Variants in ADAMTSL3 observed in about 807,000 individuals in gnomAD.
ADAMTSL3 encodes the protein ADAMTS-like protein 3.
In ADAMTSL3, 128 loss-of-function variants were observed where a neutral mutation model predicts 201.7. The observed-to-expected ratio is 0.63, with a 90% CI of 0.55 to 0.73. ADAMTSL3 has a LOEUF of 0.73. Ranked by LOEUF, ADAMTSL3 falls within the 30% of genes least tolerant of loss-of-function variation. The probability of loss-of-function intolerance (pLI) is 0.00; values close to 1 mark genes in which losing one functional copy is unlikely to be tolerated. For synonymous variants in ADAMTSL3, 738 were observed against 748.4 expected (o/e 0.99, Z 0.23); for missense variants, 1,990 against 2,119.6 (o/e 0.94, Z 1.20).
chr15:83,820,115 C>T (rs986062896), intron 6 of ADAMTSL3, 68 bp downstream of exon 6: 5 of 1,352,304 alleles, frequency 3.7e-6, no homozygotes, highest in Non-Finnish European at 5.3e-6. Context: ...TAAACAGAAC[C>T]CTTTTCTTCT....
chr15:83,703,055 C>T (rs186011004), intron 2 of ADAMTSL3, among the ~76,000 whole-genome samples: 2 of 152,284 alleles, frequency 1.3e-5, no homozygotes, highest in Admixed American at 1.3e-4. Context: ...GGACATGAGA[C>T]CTGGAGTGAA....
chr15:83,767,488 T>G lies in ADAMTSL3; in HGVS notation c.190-6035T>G, dbSNP rs532281540. 5.8e-4 allele frequency among the ~76,000 whole-genome samples: 88 copies of G among 152,286 alleles called. 3 individuals carry two copies. The South Asian group carries it at 0.017, about 30-fold the overall frequency. The stretch of plus-strand genomic sequence containing the variant: ...AAAGAGATGTTTGAACAGGGGGAAT[T>G]GGGAGCAGCTATACTCAACTGACAA... On this transcript the variant is annotated intron_variant, in intron 3 of 29. Coordinates refer to ENST00000286744, the MANE Select transcript of ADAMTSL3 (RefSeq NM_207517.3).
chr15:83,842,827 G>A (rs1355436093), intron 7 of ADAMTSL3, among the ~76,000 whole-genome samples: 1 of 152,202 alleles, frequency 6.6e-6, no homozygotes, highest in East Asian at 1.9e-4. Flanking sequence ...ACAATAGCCA[G>A]ATCCCGGTGT....
At chr15:83,773,352 G>A (rs888496841) in intron 3 of ADAMTSL3, among the ~76,000 whole-genome samples, 171 bp from the exon 4 acceptor site, 1 of 151,842 alleles carries the variant, frequency 6.6e-6, no homozygotes, top group African/African-American at 2.4e-5. Flanking sequence ...AGGTTGCAGC[G>A]AGCCGAGATT....
chr15:83,986,703 C>T (rs1289484304), intron 21 of ADAMTSL3, among the ~76,000 whole-genome samples: 5 of 152,074 alleles, frequency 3.3e-5, no homozygotes, highest in African/African-American at 1.2e-4. Context: ...AATTATGTTC[C>T]TGAAAGCCTC....
At chr15:83,758,822 A>G (rs1457055600) in intron 3 of ADAMTSL3, among the ~76,000 whole-genome samples, 1 of 152,142 alleles carries the variant, frequency 6.6e-6, no homozygotes, top group East Asian at 1.9e-4. Flanking sequence ...CTTGTCAGAT[A>G]TATTATTTTC....
intron 6 of ADAMTSL3, among the ~76,000 whole-genome samples, chr15:83,837,500 G>C (rs1277187645): frequency 6.6e-6 from 1 of 152,090 alleles, no homozygotes; most frequent in Non-Finnish European, 1.5e-5. Context: ...AAATGCCTGG[G>C]CTGGGCAGTG....
At chr15:83,805,556 CAAAA>C (rs779366103) in intron 5 of ADAMTSL3, among the ~76,000 whole-genome samples, 19 of 124,188 alleles carry the variant, frequency 1.5e-4, no homozygotes, top group African/African-American at 5.6e-4. Flanking sequence ...GACTCTGTCT[CAAAA>C]AAAAAAAAAT....
At chr15:83,675,360 C>T (rs1356064184) in intron 2 of ADAMTSL3, among the ~76,000 whole-genome samples, 3 of 151,772 alleles carry the variant, frequency 2.0e-5, no homozygotes, top group East Asian at 1.9e-4. Context: ...TGCTCTTTTC[C>T]GCATCAGTTT....
intron 2 of ADAMTSL3, among the ~76,000 whole-genome samples, chr15:83,659,975 G>T (rs2061140212): frequency 6.6e-6 from 1 of 152,184 alleles, no homozygotes; most frequent in African/African-American, 2.4e-5. Context: ...CTGACCTTCA[G>T]AACTGTAAAA....
chr15:83,793,153 A>C (rs972789059), intron 4 of ADAMTSL3, among the ~76,000 whole-genome samples: 27 of 152,176 alleles, frequency 1.8e-4, no homozygotes, highest in African/African-American at 6.5e-4. Flanking sequence ...AGAAAAAGAG[A>C]GTAAAAAGGC....
chr15:83,852,473 T>C (rs1217907116), intron 7 of ADAMTSL3, among the ~76,000 whole-genome samples: 2 of 152,232 alleles, frequency 1.3e-5, no homozygotes, highest in African/African-American at 2.4e-5. Context: ...ACCAGACTCA[T>C]ATCAATGAGC....
At chr15:83,753,953 AT>A (rs1303171020) in intron 3 of ADAMTSL3, among the ~76,000 whole-genome samples, 75 of 152,324 alleles carry the variant, frequency 4.9e-4, no homozygotes, top group African/African-American at 1.7e-3. Flanking sequence ...GGTTGTCATA[AT>A]GATTTAGAAA....
At chr15:83,830,894 A>C (rs762792240) in intron 6 of ADAMTSL3, among the ~76,000 whole-genome samples, 10 of 152,154 alleles carry the variant, frequency 6.6e-5, no homozygotes, top group Non-Finnish European at 1.5e-4. Flanking sequence ...AGGGTGGGTG[A>C]CTTTAAAACT....
At position 83,819,841 on chromosome 15, in the gene ADAMTSL3, G is replaced by A. The variant is rs2063831736; in HGVS notation, c.394G>A (p.Ala132Thr). The change falls in exon 6 of 30, where the codon GCC (alanine) becomes ACC (threonine). Residue 132 changes from alanine (A) to threonine (T), a missense_variant. Ala to Thr is a moderately conservative substitution (Grantham distance 58, BLOSUM62 0). Transcript: ENST00000286744. ...CCCTCCAGATGCAGAAGATTTCAGA[G>A]CCCAGCAGTGCTCAGCCTACAATGA... ...DCPPDAEDFR[A>T]QQCSAYNDVQ... The A allele has an allele frequency of 6.2e-7, 1 of 1,613,860 alleles. No homozygotes were observed. The highest frequency in any genetic ancestry group is 1.3e-5 in the African/African-American group (1 of 74,892).
At chr15:83,715,811 G>C (rs1484054617) in intron 3 of ADAMTSL3, among the ~76,000 whole-genome samples, 1 of 152,150 alleles carries the variant, frequency 6.6e-6, no homozygotes, top group Non-Finnish European at 1.5e-5. Flanking sequence ...TGTGTGCCCT[G>C]TGCTCTGGCC....
chr15:83,824,398 C>T (rs2063972738), intron 6 of ADAMTSL3, among the ~76,000 whole-genome samples: 2 of 152,100 alleles, frequency 1.3e-5, no homozygotes, highest in Admixed American at 1.3e-4. Context: ...CCCCTGCTTC[C>T]TTAAACGCAC....
intron 23 of ADAMTSL3, among the ~76,000 whole-genome samples, chr15:84,013,193 A>G (rs1053788410): frequency 6.6e-6 from 1 of 152,202 alleles, no homozygotes; most frequent in African/African-American, 2.4e-5. Context: ...GATGTAATGG[A>G]CAGAACTGGA....
intron 4 of ADAMTSL3, 77 bp downstream of exon 4, chr15:83,773,727 T>G: frequency 6.6e-7 from 1 of 1,504,474 alleles, no homozygotes; most frequent in Middle Eastern, 1.8e-4. Context: ...GAGATAACTT[T>G]ATATGGCTTT....
Sources: gnomAD v4.1 joint callset for allele counts (sites outside exome capture counted in the v4.1 genomes callset) on GRCh38, gnomAD v4.1.1 for gene constraint, MANE v1.5 for transcripts, NCBI Gene and HGNC (gene_info 2026-07-23, HGNC 2026-07-21) for gene names.